PHF24: variants seen among roughly 807,000 people sequenced by gnomAD.
PHF24 encodes Galpha inhibitory interacting protein.
In PHF24, 25 loss-of-function variants were observed where a neutral mutation model predicts 42.6. The observed-to-expected ratio is 0.59, with a 90% confidence interval of 0.43 to 0.82. The LOEUF (loss-of-function observed/expected upper bound fraction) is 0.82. Ranked by LOEUF, PHF24 falls within the 40% of genes least tolerant of loss-of-function variation. PHF24 has a pLI of 0.00. For synonymous variants in PHF24, 185 were observed against 204.8 expected, an observed-to-expected ratio of 0.90 and a Z score of 0.83; for missense variants, 470 against 538.1, an observed-to-expected ratio of 0.87 and a Z score of 1.25.
chr9:34,799,215 A>C, the PHF24 span, among the ~76,000 whole-genome samples: 1 of 152,222 alleles, frequency 6.6e-6, no homozygotes, highest in Admixed American at 6.5e-5. Context: ...AGACTTCCAG[A>C]AGGGAAAAAA....
At chr9:34,799,924 G>A in the PHF24 span, among the ~76,000 whole-genome samples, 1 of 152,078 alleles carries the variant, frequency 6.6e-6, no homozygotes, top group Non-Finnish European at 1.5e-5. Context: ...TTTACTGGGA[G>A]CTAAATAATG....
the PHF24 span, among the ~76,000 whole-genome samples, chr9:34,932,468 C>T: frequency 6.6e-6 from 1 of 152,322 alleles, no homozygotes; most frequent in Admixed American, 6.5e-5. Flanking sequence ...CTCTTAGTTA[C>T]TTTTACCTAT....
the PHF24 span, among the ~76,000 whole-genome samples, chr9:34,912,271 C>G: frequency 2.3e-4 from 35 of 152,228 alleles, 1 homozygote; most frequent in South Asian, 1.0e-3. Context: ...TTACTTTTCT[C>G]TCTCTCTTTT....
the PHF24 span, among the ~76,000 whole-genome samples, chr9:34,860,234 T>C: frequency 6.6e-6 from 1 of 152,228 alleles, no homozygotes; most frequent in East Asian, 1.9e-4. Flanking sequence ...ATGTCTAATA[T>C]CTTAAGAGTC....
At chr9:34,762,913 T>C in the PHF24 span, among the ~76,000 whole-genome samples, 3 of 152,260 alleles carry the variant, frequency 2.0e-5, no homozygotes, top group Non-Finnish European at 1.5e-5. Context: ...GCTTTCTACA[T>C]ATGGCTAGCC....
the PHF24 span, among the ~76,000 whole-genome samples, chr9:34,843,275 G>A: frequency 6.6e-6 from 1 of 152,072 alleles, no homozygotes; most frequent in African/African-American, 2.4e-5. Flanking sequence ...TGAACCTTAT[G>A]GTTTGTTGCA....
chr9:34,691,263 G>A, the PHF24 span: 1 of 721,768 alleles, frequency 1.4e-6, no homozygotes, highest in Non-Finnish European at 2.3e-6. Flanking sequence ...TGTGAGTGAT[G>A]TGAGGCTGGG....
At chr9:34,835,508 G>C in the PHF24 span, 1 of 1,551,922 alleles carries the variant, frequency 6.4e-7, no homozygotes, top group Non-Finnish European at 8.7e-7. Context: ...CAGGGTTTCT[G>C]GGTTCAGGGA....
the PHF24 span, among the ~76,000 whole-genome samples, chr9:34,706,003 T>C: frequency 1.3e-5 from 2 of 152,202 alleles, no homozygotes; most frequent in African/African-American, 4.8e-5. Context: ...ATCCATCTCA[T>C]ATGATGAAGA....
the PHF24 span, among the ~76,000 whole-genome samples, chr9:34,742,890 G>T: frequency 1.3e-5 from 2 of 152,190 alleles, no homozygotes; most frequent in Admixed American, 1.3e-4. Context: ...GTATTGAACT[G>T]CTTGTTTTTG....
chr9:34,738,350 T>A, the PHF24 span, among the ~76,000 whole-genome samples: 10 of 151,870 alleles, frequency 6.6e-5, no homozygotes, highest in South Asian at 2.1e-4. Flanking sequence ...ACTTTTTAAT[T>A]TTTTTTTTTA....
the PHF24 span, chr9:34,724,509 T>G: frequency 3.2e-6 from 5 of 1,551,664 alleles, no homozygotes; most frequent in Non-Finnish European, 3.5e-6. Flanking sequence ...CTGGACTTCC[T>G]TGCCCTAATG....
the PHF24 span, among the ~76,000 whole-genome samples, chr9:34,911,931 C>G: frequency 6.6e-6 from 1 of 152,182 alleles, no homozygotes; most frequent in Non-Finnish European, 1.5e-5. Flanking sequence ...CTACCAATTT[C>G]GATCCAAAGG....
chr9:34,775,946 C>T, the PHF24 span, among the ~76,000 whole-genome samples: 2 of 152,238 alleles, frequency 1.3e-5, no homozygotes, highest in South Asian at 2.1e-4. Context: ...TATGTTGCCA[C>T]GTGGATGAAC....
the PHF24 span, among the ~76,000 whole-genome samples, chr9:34,873,162 C>T: frequency 6.6e-6 from 1 of 151,276 alleles, no homozygotes; most frequent in Non-Finnish European, 1.5e-5. Flanking sequence ...GTTGCCTGTT[C>T]ACTCTGATGG....
At chr9:34,886,974 A>G in the PHF24 span, among the ~76,000 whole-genome samples, 2 of 152,120 alleles carry the variant, frequency 1.3e-5, no homozygotes, top group African/African-American at 4.8e-5. Context: ...CTCAAACAAT[A>G]CAAATGTGAA....
chr9:34,846,346 C>T, the PHF24 span, among the ~76,000 whole-genome samples: 8 of 151,704 alleles, frequency 5.3e-5, no homozygotes, highest in South Asian at 1.3e-3. Context: ...TCTCTGATGG[C>T]CAGTGATGGT....
the PHF24 span, chr9:34,922,680 CT>C: frequency 2.3e-6 from 3 of 1,322,078 alleles, no homozygotes; most frequent in African/African-American, 4.4e-5. Flanking sequence ...TCTCTGTATT[CT>C]TGAGCCATCT....
the PHF24 span, among the ~76,000 whole-genome samples, chr9:34,804,906 A>G: frequency 6.6e-6 from 1 of 152,108 alleles, no homozygotes; most frequent in Admixed American, 6.5e-5. Flanking sequence ...CCAGTAATCT[A>G]CTTTCTGTCT....
Sources: gnomAD v4.1 joint callset for allele counts (sites outside exome capture counted in the v4.1 genomes callset) on GRCh38, gnomAD v4.1.1 for gene constraint, MANE v1.5 for transcripts, NCBI Gene and HGNC (gene_info 2026-07-23, HGNC 2026-07-21) for gene names.